FAM135B: variants seen among roughly 807,000 people sequenced by gnomAD.
The protein encoded by FAM135B is family with sequence similarity 135 member B, also known as protein FAM135B.
In FAM135B, 43 loss-of-function variants were observed where a neutral mutation model predicts 127.7. The observed-to-expected ratio is 0.34, with a 90% CI of 0.26 to 0.43. FAM135B has a LOEUF of 0.43. Among genes scored for constraint, FAM135B ranks in the 20% least tolerant of loss-of-function variants. FAM135B has a pLI of 1.00. For synonymous variants in FAM135B, 670 were observed against 665.1 expected, an observed-to-expected ratio of 1.01 and a Z score of -0.11; for missense variants, 1,558 against 1,725.6, an observed-to-expected ratio of 0.90 and a Z score of 1.72.
intron 7 of FAM135B, among the ~76,000 whole-genome samples, chr8:138,216,098 A>T (rs1420530069): frequency 6.6e-6 from 1 of 152,196 alleles, no homozygotes; most frequent in East Asian, 1.9e-4. Context: ...CTGCACATGG[A>T]ACAATCTGAA....
At chr8:138,135,182 A>C (rs1482877311) in intron 19 of FAM135B, among the ~76,000 whole-genome samples, 5 of 152,174 alleles carry the variant, frequency 3.3e-5, no homozygotes, top group African/African-American at 1.2e-4. Context: ...TGGCTTGTGG[A>C]CCATAGTTGT....
At chr8:138,476,910 A>C (rs1407715355) in intron 1 of FAM135B, among the ~76,000 whole-genome samples, 1 of 152,194 alleles carries the variant, frequency 6.6e-6, no homozygotes, top group Non-Finnish European at 1.5e-5. Flanking sequence ...CCTGATGAAG[A>C]TTCCTTACTT....
intron 2 of FAM135B, among the ~76,000 whole-genome samples, chr8:138,354,256 C>G (rs1829949927): frequency 6.6e-6 from 1 of 152,094 alleles, no homozygotes. Context: ...GACACACACA[C>G]CCTTCATGAT....
intron 6 of FAM135B, among the ~76,000 whole-genome samples, chr8:138,247,821 C>T (rs905227810): frequency 1.3e-5 from 2 of 152,202 alleles, no homozygotes; most frequent in Admixed American, 6.5e-5. Context: ...AACAAATTCT[C>T]AATTCCTTAA....
intron 9 of FAM135B, among the ~76,000 whole-genome samples, chr8:138,187,932 C>G (rs1815736266): frequency 6.6e-6 from 1 of 152,122 alleles, no homozygotes; most frequent in Non-Finnish European, 1.5e-5. Context: ...TCAATTGTGT[C>G]TAATATCAGG....
intron 3 of FAM135B, among the ~76,000 whole-genome samples, chr8:138,279,592 G>A (rs948447442): frequency 6.6e-6 from 1 of 152,146 alleles, no homozygotes; most frequent in Non-Finnish European, 1.5e-5. Flanking sequence ...TATCCTTTCT[G>A]AGAATAATTA....
In FAM135B at chr8:138,132,480, C is replaced by T. The variant is rs940006527; in HGVS notation, c.*113G>A. On this transcript the variant is annotated 3_prime_UTR_variant, in exon 20 of 20. Transcript: ENST00000395297. The surrounding 1 kb of genome is among the most constrained non-coding windows in gnomAD (Gnocchi z 4.5). ...TGTCAGGTTCCACCCGAGCCTCCGT[C>T]CCCCAATGCTGTTGAAGCTTCATTC... The T allele has an allele frequency of 1.3e-4, 109 of 863,412 alleles. No individual in the cohort carries two copies. The highest frequency in any genetic ancestry group is 4.7e-4 in the Middle Eastern group (2 of 4,292). The allele number at this position is 863,412 out of a possible 1,614,324, so 53.5% of individuals were successfully genotyped here. A position where few individuals can be genotyped will look rare whatever the true frequency, so the allele number is the denominator to read the frequency against.
chr8:138,199,642 G>A (rs72721698), intron 7 of FAM135B, among the ~76,000 whole-genome samples: 28,887 of 152,142 alleles, frequency 0.19, 3,543 homozygotes, highest in Non-Finnish European at 0.25. Flanking sequence ...AAGGAAAGGC[G>A]TTTAATTGAC....
At chr8:138,216,722 G>T (rs1441109571) in intron 7 of FAM135B, among the ~76,000 whole-genome samples, 2 of 152,174 alleles carry the variant, frequency 1.3e-5, no homozygotes, top group Non-Finnish European at 2.9e-5. Context: ...AGCCAGTGAT[G>T]GGTTGCTCAT....
intron 1 of FAM135B, among the ~76,000 whole-genome samples, chr8:138,393,923 A>T (rs1832725928): frequency 6.6e-6 from 1 of 152,216 alleles, no homozygotes; most frequent in Non-Finnish European, 1.5e-5. Flanking sequence ...CCTAAGAGCC[A>T]GCCACAACCC....
intron 2 of FAM135B, among the ~76,000 whole-genome samples, chr8:138,356,343 T>A (rs924472925): frequency 6.6e-6 from 1 of 152,030 alleles, no homozygotes; most frequent in African/African-American, 2.4e-5. Context: ...AGTCTAGGCA[T>A]CCAAGAATGA....
rs181052482 is a variant in FAM135B at position 138,350,369 on chromosome 8, C to A, written c.77+17538G>T. 1.7e-4 allele frequency among the ~76,000 whole-genome samples: 26 copies of A among 152,242 alleles called. No homozygotes were observed. In the East Asian group the frequency reaches 4.1e-3, roughly 24 times the overall value. ...AACCATTCCAACCCTCTAATCAAATCCAGCTTAGGACAATTTTGCAAATCA... is the reference window on the plus strand; with the variant it reads ...AACCATTCCAACCCTCTAATCAAATACAGCTTAGGACAATTTTGCAAATCA... On this transcript the variant is annotated intron_variant, in intron 2 of 19. Coordinates refer to ENST00000395297, the MANE Select transcript of FAM135B (RefSeq NM_015912.4).
intron 3 of FAM135B, among the ~76,000 whole-genome samples, chr8:138,277,672 C>T (rs1009462698): frequency 2.5e-4 from 38 of 152,142 alleles, no homozygotes; most frequent in Admixed American, 1.6e-3. Flanking sequence ...GGAGTAGGGC[C>T]TTGAGAAATG....
intron 3 of FAM135B, among the ~76,000 whole-genome samples, chr8:138,267,224 G>A (rs1563838199): frequency 6.6e-6 from 1 of 152,096 alleles, no homozygotes; most frequent in Non-Finnish European, 1.5e-5. Context: ...TTCCCACCAT[G>A]CAAGGATACA....
At chr8:138,338,982 CCAT>C in intron 2 of FAM135B, among the ~76,000 whole-genome samples, 1 of 151,844 alleles carries the variant, frequency 6.6e-6, no homozygotes, top group African/African-American at 2.4e-5. Flanking sequence ...AAGCTGGAAA[CCAT>C]CATTCTCAGC....
chr8:138,220,218 T>C (rs993181744), intron 7 of FAM135B, among the ~76,000 whole-genome samples: 1 of 152,298 alleles, frequency 6.6e-6, no homozygotes, highest in African/African-American at 2.4e-5. Flanking sequence ...TGACAGTATT[T>C]CAAGAAGTAT....
At chr8:138,245,778 G>T (rs1821232613) in intron 6 of FAM135B, among the ~76,000 whole-genome samples, 1 of 152,182 alleles carries the variant, frequency 6.6e-6, no homozygotes, top group Non-Finnish European at 1.5e-5. Context: ...GGAACAGTTT[G>T]AAGGGCTCAG....
At chr8:138,134,176 T>C (rs772875906) in intron 19 of FAM135B, among the ~76,000 whole-genome samples, 1 of 152,180 alleles carries the variant, frequency 6.6e-6, no homozygotes, top group Non-Finnish European at 1.5e-5. Flanking sequence ...AAGTAAACCA[T>C]GCTTTGTGGG....
At position 138,177,381 on chromosome 8, in the gene FAM135B, G is replaced by T. The variant is rs774568546; in HGVS notation, c.1069C>A (p.Gln357Lys). Residue 357 changes from glutamine to lysine, a missense_variant, in exon 11 of 20, where the codon CAA (glutamine) becomes AAA (lysine). By Grantham distance (53) the Gln-to-Lys change is moderately conservative. This residue lies in a region of FAM135B where 115 missense variants were observed against 171.1 expected (regional missense o/e 0.67). Transcript: ENST00000395297. ...FSEAFFYMEH[Q>K]KLAVLTFQEN... ...TGAAATGTCAGGACTGCAAGTTTTT[G>T]GTGCTCCATGTAAAAGAAGGCCTCA... The T allele has an allele frequency of 1.2e-6, 2 of 1,613,520 alleles. No homozygotes were observed.
Sources: allele counts gnomAD v4.1 joint callset (sites outside exome capture counted in the v4.1 genomes callset), GRCh38; gene constraint gnomAD v4.1.1; regional missense constraint gnomAD v4.1.1; non-coding constraint Gnocchi (gnomAD v3.1); transcripts MANE v1.5; gene names NCBI Gene and HGNC (gene_info 2026-07-23, HGNC 2026-07-21).